The following GPHN variants were observed in gnomAD, a reference collection of about 807,000 sequenced individuals.
GPHN encodes gephyrin.
In GPHN, 17 loss-of-function variants were observed where a neutral mutation model predicts 95.5. The ratio of observed to expected loss-of-function variants is 0.18; its 90% confidence interval spans 0.12 to 0.27. The LOEUF is 0.27. Ranked by LOEUF, GPHN falls within the 10% of genes least tolerant of loss-of-function variation. The pLI is 1.00. For synonymous variants in GPHN, 320 were observed against 322.5 expected, an observed-to-expected ratio of 0.99 and a Z score of 0.08; for missense variants, 660 against 978.1, an observed-to-expected ratio of 0.67 and a Z score of 4.34.
chr14:67,457,942 G>T, the GPHN span, among the ~76,000 whole-genome samples: 1 of 152,194 alleles, frequency 6.6e-6, no homozygotes, highest in African/African-American at 2.4e-5. Context: ...TGAGGACAGG[G>T]CTGCTCTCTG....
intron 3 of GPHN, among the ~76,000 whole-genome samples, chr14:66,797,633 A>C (rs2060205203): frequency 6.6e-6 from 1 of 151,782 alleles, no homozygotes; most frequent in African/African-American, 2.4e-5. Context: ...CAGATTGTTC[A>C]CTGTTGGCAG....
chr14:67,574,534 T>A, the GPHN span: 5 of 679,224 alleles, frequency 7.4e-6, no homozygotes, highest in Non-Finnish European at 1.1e-5. The surrounding 1 kb of genome is among the most constrained non-coding windows in gnomAD (Gnocchi z 4.2). Context: ...TCACAGTGAC[T>A]CGCTGGCCAG....
At chr14:66,532,090 G>A (rs1462850018) in intron 1 of GPHN, among the ~76,000 whole-genome samples, 1 of 152,210 alleles carries the variant, frequency 6.6e-6, no homozygotes, top group Non-Finnish European at 1.5e-5. Context: ...CCTGTTGTAA[G>A]GGAAATATAA....
At chr14:66,976,908 A>C (rs748183615) in intron 9 of GPHN, among the ~76,000 whole-genome samples, 1 of 107,126 alleles carries the variant, frequency 9.3e-6, no homozygotes, top group Non-Finnish European at 1.7e-5. Flanking sequence ...TGCAGCACAG[A>C]AATATGTGGG....
chr14:66,830,600 A>G (rs2061547309), intron 4 of GPHN, among the ~76,000 whole-genome samples: 1 of 152,138 alleles, frequency 6.6e-6, no homozygotes, highest in Non-Finnish European at 1.5e-5. Context: ...AATTTGACAT[A>G]AGGAATATTT....
At chr14:66,596,337 T>G (rs1273290567) in intron 1 of GPHN, among the ~76,000 whole-genome samples, 4 of 152,042 alleles carry the variant, frequency 2.6e-5, no homozygotes, top group Admixed American at 6.5e-5. Context: ...GTCTCTGACC[T>G]GAAGATGAGG....
intron 3 of GPHN, among the ~76,000 whole-genome samples, chr14:66,779,965 G>A (rs774863169): frequency 2.6e-5 from 4 of 152,184 alleles, no homozygotes; most frequent in Middle Eastern, 3.4e-3. Context: ...GGCACAAAAT[G>A]ATTAGAACCT....
chr14:66,624,282 A>G (rs1381155904), intron 1 of GPHN, among the ~76,000 whole-genome samples: 2 of 152,222 alleles, frequency 1.3e-5, no homozygotes, highest in Non-Finnish European at 1.5e-5. Context: ...AATAAGAAGA[A>G]CTAAATTACT....
the GPHN span, among the ~76,000 whole-genome samples, chr14:67,478,305 C>T: frequency 3.3e-5 from 5 of 152,178 alleles, no homozygotes; most frequent in Non-Finnish European, 5.9e-5. Context: ...ATCCCACTGG[C>T]CAAGGGAAAG....
chr14:66,890,901 C>G (rs971407964), intron 5 of GPHN, among the ~76,000 whole-genome samples: 2 of 151,814 alleles, frequency 1.3e-5, no homozygotes, highest in Non-Finnish European at 2.9e-5. Context: ...TAAAAACACT[C>G]AACAAACTAG....
At chr14:67,095,860 C>T (rs368962239) in intron 12 of GPHN, among the ~76,000 whole-genome samples, 1 of 148,076 alleles carries the variant, frequency 6.8e-6, no homozygotes, top group Non-Finnish European at 1.5e-5. Context: ...AGCACACCAG[C>T]ATGGCACATG....
intron 1 of GPHN, among the ~76,000 whole-genome samples, chr14:66,569,635 C>CA (rs2060598231): frequency 6.6e-6 from 1 of 151,314 alleles, no homozygotes; most frequent in Non-Finnish European, 1.5e-5. Context: ...TGCACACCAG[C>CA]CTAGGTGACA....
the GPHN span, among the ~76,000 whole-genome samples, chr14:67,252,763 A>AT: frequency 3.9e-5 from 6 of 152,298 alleles, no homozygotes; most frequent in Non-Finnish European, 8.8e-5. Flanking sequence ...CTTGGTTTCA[A>AT]TTTGTACTTT....
At chr14:66,571,747 C>T (rs6573686) in intron 1 of GPHN, among the ~76,000 whole-genome samples, 49,747 of 151,808 alleles carry the variant, frequency 0.33, 11,971 homozygotes, top group African/African-American at 0.65. Flanking sequence ...GGAGTCGGAG[C>T]TTACAGTGAG....
chr14:67,690,912 A>G, the GPHN span: 1 of 536,488 alleles, frequency 1.9e-6, no homozygotes, highest in Non-Finnish European at 3.3e-6. Flanking sequence ...GTCTGTTAAA[A>G]AATGCGCCAA....
chr14:67,203,181 A>G, the GPHN span: 1 of 1,613,792 alleles, frequency 6.2e-7, no homozygotes, highest in Admixed American at 1.7e-5. Context: ...CACCCACAAG[A>G]TCCCCAATGT....
At chr14:66,527,136 C>G (rs1369166418) in intron 1 of GPHN, among the ~76,000 whole-genome samples, 1 of 151,844 alleles carries the variant, frequency 6.6e-6, no homozygotes, top group Non-Finnish European at 1.5e-5. Flanking sequence ...GCTATTACTG[C>G]CTCAATTTCA....
chr14:67,042,882 A>G (rs1295628764), intron 10 of GPHN, among the ~76,000 whole-genome samples: 2 of 152,012 alleles, frequency 1.3e-5, no homozygotes, highest in Non-Finnish European at 2.9e-5. Flanking sequence ...TTTTTTCCAT[A>G]TGTTTGTGTC....
At chr14:67,159,718 C>T (rs921156360) in intron 19 of GPHN, among the ~76,000 whole-genome samples, 1 of 152,152 alleles carries the variant, frequency 6.6e-6, no homozygotes, top group African/African-American at 2.4e-5. Context: ...ACTTTCCAAA[C>T]TTTTTCTCCT....
Sources: allele counts gnomAD v4.1 joint callset (sites outside exome capture counted in the v4.1 genomes callset), GRCh38; gene constraint gnomAD v4.1.1; non-coding constraint Gnocchi (gnomAD v3.1); transcripts MANE v1.5; gene names NCBI Gene and HGNC (gene_info 2026-07-23, HGNC 2026-07-21).